CLSTN1: variants seen among roughly 807,000 people sequenced by gnomAD.
CLSTN1 encodes the protein calsyntenin 1.
CLSTN1 carries 28 observed loss-of-function variants against 108.3 expected under a neutral mutation model. That is an observed-to-expected ratio of 0.26 (90% CI 0.19 to 0.35). The LOEUF (loss-of-function observed/expected upper bound fraction) is 0.35, where lower values mean the gene tolerates loss of function less well. CLSTN1 is among the 10% of genes least tolerant of loss of function. The probability of loss-of-function intolerance (pLI) is 1.00; values close to 1 mark genes in which losing one functional copy is unlikely to be tolerated. For missense variants in CLSTN1, 1,157 were observed against 1,302.6 expected (o/e 0.89, Z 1.72); for synonymous variants, 524 against 534.9 (o/e 0.98, Z 0.28).
At chr1:9,789,345 CTT>C (rs751671044) in intron 1 of CLSTN1, among the ~76,000 whole-genome samples, 44 of 151,568 alleles carry the variant, frequency 2.9e-4, no homozygotes, top group Admixed American at 5.4e-4. Flanking sequence ...CTTCCCAGCA[CTT>C]GTTATTTTCT....
Position 9,737,569 on chromosome 1 carries a change from G to A in CLSTN1, c.1520-15C>T. ...TCCTGAAAACTCTGTGGAAAAGCAA[G>A]ACAAAGACAATAGAAAAGGACTGAG... On this transcript the variant is annotated splice_polypyrimidine_tract_variant and intron_variant, in intron 10 of 18. Transcript: ENST00000377298. The A allele has an allele frequency of 1.2e-6, 2 of 1,613,184 alleles. No individual in the cohort carries two copies. The highest frequency in any genetic ancestry group is 1.7e-6 in the Non-Finnish European group (2 of 1,179,160).
chr1:9,814,526 T>C (rs907323331), intron 1 of CLSTN1, among the ~76,000 whole-genome samples: 2 of 152,246 alleles, frequency 1.3e-5, no homozygotes, highest in African/African-American at 2.4e-5. Context: ...AATTGAGGAA[T>C]AGTTAAATAA....
chr1:9,806,987 T>C (rs1409026007), intron 1 of CLSTN1, among the ~76,000 whole-genome samples: 1 of 152,016 alleles, frequency 6.6e-6, no homozygotes, highest in Non-Finnish European at 1.5e-5. Flanking sequence ...ACTAACTGTG[T>C]TTTCTTGTTC....
At chr1:9,764,544 G>A (rs1652232518) in intron 2 of CLSTN1, among the ~76,000 whole-genome samples, 1 of 151,664 alleles carries the variant, frequency 6.6e-6, no homozygotes, top group African/African-American at 2.4e-5. Context: ...GGCTGAGGTG[G>A]GAGAATCGCT....
At chr1:9,801,920 CT>C (rs1654289096) in intron 1 of CLSTN1, among the ~76,000 whole-genome samples, 1 of 152,156 alleles carries the variant, frequency 6.6e-6, no homozygotes, top group African/African-American at 2.4e-5. Context: ...ACCAATATCT[CT>C]CATGAACACA....
At chr1:9,748,970 T>C (rs1316350767) in intron 7 of CLSTN1, among the ~76,000 whole-genome samples, 1 of 152,076 alleles carries the variant, frequency 6.6e-6, no homozygotes, top group Non-Finnish European at 1.5e-5. Context: ...AATGGTGCCA[T>C]CACGGCTCAC....
At position 9,741,013 on chromosome 1, in the gene CLSTN1, C is replaced by T. The variant is rs967265670; in HGVS notation, c.1519+81G>A. On this transcript the variant is annotated intron_variant, in intron 10 of 18. Transcript: ENST00000377298. Reference sequence around the variant, plus strand: ...ACACGAGGGTAAGGCTGTAGGATACCGATCACAGCCTGCTGCCACCAACCT... The same window carrying T: ...ACACGAGGGTAAGGCTGTAGGATACTGATCACAGCCTGCTGCCACCAACCT... 7.6e-6 allele frequency: 11 copies of T among 1,445,218 alleles called. No homozygotes were observed. In the East Asian group the frequency reaches 1.6e-4, roughly 21 times the overall value. The allele number at this position is 1,445,218 out of a possible 1,614,324, so 89.5% of individuals were successfully genotyped here.
intron 1 of CLSTN1, among the ~76,000 whole-genome samples, chr1:9,777,217 C>CAAAAA (rs1183664020): frequency 5.9e-5 from 3 of 51,158 alleles, no homozygotes; most frequent in African/African-American, 7.7e-5. Context: ...GAGACTGTCT[C>CAAAAA]AAAAAAAAAA....
intron 1 of CLSTN1, among the ~76,000 whole-genome samples, chr1:9,821,289 C>T (rs1655180343): frequency 1.3e-5 from 2 of 152,180 alleles, no homozygotes; most frequent in African/African-American, 4.8e-5. Context: ...TCCACCAGTA[C>T]ACCCAGCTAA....
intron 2 of CLSTN1, among the ~76,000 whole-genome samples, chr1:9,758,110 C>T (rs1159984514): frequency 6.6e-6 from 1 of 152,128 alleles, no homozygotes; most frequent in East Asian, 1.9e-4. Context: ...TCTCCTGCCT[C>T]AGCTTCCTCA....
At position 9,730,456 on chromosome 1, in the gene CLSTN1, G is replaced by A. The variant is rs1033955357; in HGVS notation, c.*52C>T. 13 of 1,531,520 alleles carry A rather than the reference G, an allele frequency of 8.5e-6. No individual in the cohort carries two copies. Among genetic ancestry groups the A allele is most frequent in the East Asian group, 2.2e-5 (1 of 44,500 alleles). The allele number at this position is 1,531,520 out of a possible 1,614,324, so 94.9% of individuals were successfully genotyped here. ...CGTGGACCCTTGGGACTGGGAGAAC[G>A]GATGGCAGCAGAGTCTTCGAAAGCA... On this transcript the variant is annotated 3_prime_UTR_variant, in exon 19 of 19. Coordinates refer to ENST00000377298, the MANE Select transcript of CLSTN1 (RefSeq NM_001009566.3). The surrounding 1 kb of genome is among the most constrained non-coding windows in gnomAD (Gnocchi z 5.6).
Position 9,731,215 on chromosome 1 carries a change from G to GTCA in CLSTN1, c.2738_2739insTGA (p.Asn913_Pro914insAsp). ...GCCCGCCCACTCCTACCTCCATGGG[G>GTCA]TTGACGGTGATGGTCAGGGCAGAGT... On this transcript the variant is annotated inframe_insertion, in exon 18 of 19. Coordinates refer to ENST00000377298, the MANE Select transcript of CLSTN1 (RefSeq NM_001009566.3). 1.2e-6 allele frequency: 2 copies of GTCA among 1,614,236 alleles called. No homozygotes were observed. Among genetic ancestry groups the GTCA allele is most frequent in the Non-Finnish European group, 1.7e-6 (2 of 1,180,050 alleles).
At chr1:9,751,790 T>G in intron 4 of CLSTN1, 109 bp from the exon 5 acceptor site, 1 of 871,460 alleles carries the variant, frequency 1.1e-6, no homozygotes, top group Admixed American at 2.4e-5. Context: ...TAAAATTTCC[T>G]GTTTCTGATA....
At position 9,750,358 on chromosome 1, in the gene CLSTN1, C is replaced by T. The variant is rs1234652466; in HGVS notation, c.650-445G>A. Reference sequence around the variant, plus strand: ...TTTTGAACGTGGTGAGTATAGATCTCTGGAAAGTGTTTGCAATGTCCATAA... The same window carrying T: ...TTTTGAACGTGGTGAGTATAGATCTTTGGAAAGTGTTTGCAATGTCCATAA... On this transcript the variant is annotated intron_variant, in intron 5 of 18. Transcript: ENST00000377298. 5.9e-5 allele frequency among the ~76,000 whole-genome samples: 9 copies of T among 152,268 alleles called. No individual in the cohort carries two copies. In the East Asian group the frequency reaches 1.7e-3, roughly 29 times the overall value.
chr1:9,737,186 G>A (rs1474863798), intron 11 of CLSTN1, among the ~76,000 whole-genome samples: 1 of 151,842 alleles, frequency 6.6e-6, no homozygotes, highest in African/African-American at 2.4e-5. Context: ...GTCACGAGGC[G>A]GCCTCCCAAA....
At chr1:9,814,572 CA>C in intron 1 of CLSTN1, among the ~76,000 whole-genome samples, 1 of 152,110 alleles carries the variant, frequency 6.6e-6, no homozygotes, top group East Asian at 1.9e-4. Context: ...TACTTTTTAA[CA>C]AAGCACATTT....
At chr1:9,744,293 C>T (rs1340649337) in intron 8 of CLSTN1, 102 bp downstream of exon 8, 3 of 1,484,310 alleles carry the variant, frequency 2.0e-6, no homozygotes, top group Non-Finnish European at 2.7e-6. Flanking sequence ...CCTACGAGCA[C>T]CAGGCTGGCA....
chr1:9,733,576 G>T (rs748619845), intron 15 of CLSTN1, 30 bp from the exon 16 acceptor site: 1 of 1,612,468 alleles, frequency 6.2e-7, no homozygotes, highest in Non-Finnish European at 8.5e-7. Flanking sequence ...GAAGATTGCC[G>T]GGTGGCTTAG....
At chr1:9,731,055 G>A (rs1570428252) in intron 18 of CLSTN1, 151 bp downstream of exon 18, 2 of 894,918 alleles carry the variant, frequency 2.2e-6, no homozygotes, top group East Asian at 2.5e-5. Flanking sequence ...CTCAGCCTCG[G>A]TTTACCCACG....
Sources: allele counts gnomAD v4.1 joint callset (sites outside exome capture counted in the v4.1 genomes callset), GRCh38; gene constraint gnomAD v4.1.1; non-coding constraint Gnocchi (gnomAD v3.1); transcripts MANE v1.5; gene names NCBI Gene and HGNC (gene_info 2026-07-23, HGNC 2026-07-21).